The following NALCN variants were observed in gnomAD, a reference collection of about 807,000 sequenced individuals.
NALCN encodes the protein sodium leak channel, non-selective.
In NALCN, 111 loss-of-function variants were observed where a neutral mutation model predicts 225.3. That is an observed-to-expected ratio of 0.49 (90% confidence interval 0.42 to 0.58). NALCN has a LOEUF of 0.58. Ranked by LOEUF, NALCN falls within the 20% of genes least tolerant of loss-of-function variation. The probability of loss-of-function intolerance (pLI) is 0.00; values close to 1 mark genes in which losing one functional copy is unlikely to be tolerated. For synonymous variants in NALCN, 764 were observed against 769.0 expected, an observed-to-expected ratio of 0.99 and a Z score of 0.11; for missense variants, 1,378 against 2,202.4, an observed-to-expected ratio of 0.63 and a Z score of 7.49.
intron 7 of NALCN, among the ~76,000 whole-genome samples, chr13:101,329,354 A>G (rs1357665815): frequency 6.6e-6 from 1 of 152,188 alleles, no homozygotes; most frequent in African/African-American, 2.4e-5. Context: ...GCTGCAATTA[A>G]TATTAAGAAG....
At chr13:101,360,057 CTTTCTT>C (rs1476769655) in intron 6 of NALCN, among the ~76,000 whole-genome samples, 2 of 121,186 alleles carry the variant, frequency 1.7e-5, no homozygotes, top group Admixed American at 2.1e-4. Flanking sequence ...TTCTTTTTCT[CTTTCTT>C]TCTTTTTCTT....
intron 34 of NALCN, among the ~76,000 whole-genome samples, chr13:101,081,205 C>T (rs1322417655): frequency 6.6e-6 from 1 of 152,212 alleles, no homozygotes; most frequent in Admixed American, 6.5e-5. Flanking sequence ...GTCTCTGTTG[C>T]AGTCTTCCTC....
intron 10 of NALCN, among the ~76,000 whole-genome samples, chr13:101,277,165 G>A (rs948741916): frequency 8.6e-5 from 13 of 151,916 alleles, no homozygotes; most frequent in African/African-American, 3.1e-4. Context: ...TAATGGTGAG[G>A]AAAATTAAGC....
chr13:101,082,756 T>C, intron 33 of NALCN, 53 bp downstream of exon 33: 7 of 1,578,998 alleles, frequency 4.4e-6, no homozygotes, highest in Non-Finnish European at 6.1e-6. Context: ...GAGGCTGATT[T>C]ACTTTAAAAC....
At chr13:101,380,800 C>T (rs1237746569) in intron 3 of NALCN, among the ~76,000 whole-genome samples, 1 of 151,140 alleles carries the variant, frequency 6.6e-6, no homozygotes, top group Non-Finnish European at 1.5e-5. Context: ...ATAAACTCAA[C>T]TTAATGAACA....
At chr13:101,261,338 C>G (rs1338587242) in intron 10 of NALCN, among the ~76,000 whole-genome samples, 2 of 152,084 alleles carry the variant, frequency 1.3e-5, no homozygotes, top group Non-Finnish European at 2.9e-5. Context: ...ATAGATTTGG[C>G]TCTTCTGTGG....
chr13:101,076,520 T>C lies in NALCN; in HGVS notation c.3886-579A>G, dbSNP rs533917889. Among the ~76,000 whole-genome samples the C allele has an allele frequency of 2.6e-5, 4 of 152,354 alleles. No individual in the cohort carries two copies. The East Asian group carries it at 7.7e-4, about 29-fold the overall frequency. ...TTTGAGAAACAAAGATCCCACCAGC[T>C]ATAACTGCAATAACAACCTTGACAT... On this transcript the variant is annotated intron_variant, in intron 34 of 43. Coordinates refer to ENST00000251127, the MANE Select transcript of NALCN (RefSeq NM_052867.4).
intron 12 of NALCN, among the ~76,000 whole-genome samples, chr13:101,232,570 C>G (rs1566465096): frequency 6.6e-6 from 1 of 151,756 alleles, no homozygotes; most frequent in Non-Finnish European, 1.5e-5. Flanking sequence ...CTCAGCCTCC[C>G]GAGTAGCTGG....
chr13:101,189,747 CAAGTT>C (rs2039607070), intron 14 of NALCN, among the ~76,000 whole-genome samples: 1 of 152,120 alleles, frequency 6.6e-6, no homozygotes, highest in African/African-American at 2.4e-5. Flanking sequence ...AATAAAAGAA[CAAGTT>C]ATTTCAATTT....
At position 101,076,040 on chromosome 13, in the gene NALCN, C is replaced by A. The variant is rs536062339; in HGVS notation, c.3886-99G>T. 2.2e-4 allele frequency: 195 copies of A among 869,972 alleles called. No homozygotes were observed. The highest frequency in any genetic ancestry group is 3.3e-4 in the Non-Finnish European group (189 of 580,736). 53.9% of individuals were successfully genotyped at this position (869,972 alleles called of 1,614,324 possible). A position where few individuals can be genotyped will look rare whatever the true frequency, so the allele number is the denominator to read the frequency against. The stretch of plus-strand genomic sequence containing the variant: ...TCTGTGAAGTATACTGAATAATTAG[C>A]TTAATATGTGTAAATTATTATAAGA... On this transcript the variant is annotated intron_variant, in intron 34 of 43. Coordinates refer to ENST00000251127, the MANE Select transcript of NALCN (RefSeq NM_052867.4).
At chr13:101,346,018 G>GTGGTAAT (rs2045715419) in intron 6 of NALCN, among the ~76,000 whole-genome samples, 1 of 142,058 alleles carries the variant, frequency 7.0e-6, no homozygotes, top group South Asian at 2.3e-4. Context: ...CCACCCAACT[G>GTGGTAAT]TGGTAATTGG....
intron 25 of NALCN, among the ~76,000 whole-genome samples, chr13:101,103,648 G>C (rs2034947241): frequency 6.6e-6 from 1 of 152,118 alleles, no homozygotes; most frequent in Non-Finnish European, 1.5e-5. Flanking sequence ...GATCTGGCTG[G>C]AATTCCTTTT....
At chr13:101,157,822 A>C (rs1363300132) in intron 15 of NALCN, among the ~76,000 whole-genome samples, 1 of 148,576 alleles carries the variant, frequency 6.7e-6, no homozygotes, top group Non-Finnish European at 1.5e-5. Flanking sequence ...GCGTGATCTC[A>C]GCTCACTACG....
At chr13:101,386,657 C>G (rs185409237) in intron 3 of NALCN, among the ~76,000 whole-genome samples, 10 of 151,944 alleles carry the variant, frequency 6.6e-5, no homozygotes, top group African/African-American at 2.4e-4. Flanking sequence ...GTAGGCAATG[C>G]TAGGAAGCCA....
intron 7 of NALCN, among the ~76,000 whole-genome samples, chr13:101,329,817 T>G (rs1374396625): frequency 6.6e-6 from 1 of 151,992 alleles, no homozygotes; most frequent in African/African-American, 2.4e-5. Context: ...GGTGGGCAGA[T>G]CACCTGAGGT....
At chr13:101,068,594 C>A in intron 38 of NALCN, 101 bp downstream of exon 38, 1 of 1,231,496 alleles carries the variant, frequency 8.1e-7, no homozygotes, top group Non-Finnish European at 1.1e-6. Flanking sequence ...TGCCATGAAA[C>A]ACCCACCCCA....
rs1309052211 is a variant in NALCN at position 101,093,729 on chromosome 13, G to C, written c.3269+1845C>G. 5.9e-5 allele frequency among the ~76,000 whole-genome samples: 9 copies of C among 152,170 alleles called. 1 individual carries two copies. In the South Asian group the frequency reaches 1.9e-3, roughly 32 times the overall value. ...AAACACTACCTTCAAGTGTGTTCCAGCTCCCTGTCTGAATTCTTGGGGAGG... is the reference window on the plus strand; with the variant it reads ...AAACACTACCTTCAAGTGTGTTCCACCTCCCTGTCTGAATTCTTGGGGAGG... On this transcript the variant is annotated intron_variant, in intron 28 of 43. Coordinates refer to ENST00000251127, the MANE Select transcript of NALCN (RefSeq NM_052867.4).
In NALCN at chr13:101,177,724, C is replaced by G. The variant is rs369625625; in HGVS notation, c.1765-1350G>C. The stretch of plus-strand genomic sequence containing the variant: ...TTGATCATCTTTTTCATTTCTAACT[C>G]ATATTTTTCTTTTCAGTTTTCTTCT... On this transcript the variant is annotated intron_variant, in intron 14 of 43. Transcript: ENST00000251127. Among the ~76,000 whole-genome samples the G allele has an allele frequency of 9.2e-5, 14 of 152,176 alleles. No individual in the cohort carries two copies. In the South Asian group the frequency reaches 2.1e-3, roughly 23 times the overall value.
chr13:101,060,825 C>A lies in NALCN; in HGVS notation c.4756-858G>T, dbSNP rs373983084. Among the ~76,000 whole-genome samples, 16 of 152,276 alleles carry A rather than the reference C, an allele frequency of 1.1e-4. No homozygotes were observed. The East Asian group carries it at 2.9e-3, about 28-fold the overall frequency. ...TATACTAAAGCCAGGACTCCTTGTGCCCTCTCAGAGCCAGAGGAGGACAGA... is the reference window on the plus strand; with the variant it reads ...TATACTAAAGCCAGGACTCCTTGTGACCTCTCAGAGCCAGAGGAGGACAGA... On this transcript the variant is annotated intron_variant, in intron 41 of 43. Transcript: ENST00000251127.
Sources: gnomAD v4.1 joint callset for allele counts (sites outside exome capture counted in the v4.1 genomes callset) on GRCh38, gnomAD v4.1.1 for gene constraint, MANE v1.5 for transcripts, NCBI Gene and HGNC (gene_info 2026-07-23, HGNC 2026-07-21) for gene names.